The following GPLD1 variants were observed in gnomAD, a reference collection of about 807,000 sequenced individuals.
GPLD1 encodes the protein glycosylphosphatidylinositol specific phospholipase D1, also known as phosphatidylinositol-glycan-specific phospholipase D.
GPLD1 carries 84 observed loss-of-function variants against 112.6 expected under a neutral mutation model. The observed-to-expected ratio is 0.75, with a 90% confidence interval of 0.63 to 0.89. GPLD1 has a LOEUF of 0.89. Among genes scored for constraint, GPLD1 ranks in the 40% least tolerant of loss-of-function variants. The pLI is 0.00. For synonymous variants in GPLD1, 386 were observed against 403.8 expected (o/e 0.96, Z 0.53); for missense variants, 1,044 against 1,051.5 (o/e 0.99, Z 0.10).
chr6:24,454,787 G>T (rs546224210), intron 13 of GPLD1, among the ~76,000 whole-genome samples: 9 of 152,332 alleles, frequency 5.9e-5, no homozygotes, highest in African/African-American at 1.9e-4. Context: ...ACAGGGGCTG[G>T]AAAGACCAAA....
At chr6:24,484,172 C>CCCAAAGTG (rs1288170257) in intron 2 of GPLD1, among the ~76,000 whole-genome samples, 1 of 152,100 alleles carries the variant, frequency 6.6e-6, no homozygotes, top group Non-Finnish European at 1.5e-5. Flanking sequence ...GCCTTGGCCT[C>CCCAAAGTG]CCAAAGTGCT....
At chr6:24,474,388 T>G (rs1347250298) in intron 5 of GPLD1, among the ~76,000 whole-genome samples, 1 of 152,084 alleles carries the variant, frequency 6.6e-6, no homozygotes, top group Non-Finnish European at 1.5e-5. Context: ...AGATCACAAT[T>G]TTCAGTTTGA....
Position 24,445,785 on chromosome 6 carries a change from T to TC in GPLD1, c.1866dup (p.Arg623GlufsTer53), listed in dbSNP as rs769825494. 1.2e-6 allele frequency: 2 copies of TC among 1,613,650 alleles called. No individual in the cohort carries two copies. The highest frequency in any genetic ancestry group is 1.7e-6 in the Non-Finnish European group (2 of 1,179,864). On this transcript the variant is annotated frameshift_variant, in exon 19 of 25. Transcript: ENST00000230036. LOFTEE classifies it high-confidence loss of function. Reference sequence around the variant, plus strand: ...TTTGGTGGGAAGTAGCCATACACCCTCCCAAGGCTCTTTTTCTCATCTCGG... The same window carrying TC: ...TTTGGTGGGAAGTAGCCATACACCCTCCCCAAGGCTCTTTTTCTCATCTCGG...
At chr6:24,468,057 C>T (rs562350270) in intron 7 of GPLD1, among the ~76,000 whole-genome samples, 3 of 152,236 alleles carry the variant, frequency 2.0e-5, no homozygotes, top group South Asian at 4.1e-4. Flanking sequence ...CAGGCGTGTG[C>T]CACCACGCCC....
chr6:24,484,205 G>A lies in GPLD1; in HGVS notation c.153+1870C>T, dbSNP rs147274398. ...GCTGGGATTACTGACGTGAGCCACC[G>A]TGCCTGGCCCACCATTTGTTTTTTG... On this transcript the variant is annotated intron_variant, in intron 2 of 24. Transcript: ENST00000230036. Among the ~76,000 whole-genome samples, 838 of 150,338 alleles carry A rather than the reference G, an allele frequency of 5.6e-3. 5 individuals carry two copies. Among genetic ancestry groups the A allele is most frequent in the South Asian group, 0.03 (141 of 4,712 alleles).
intron 22 of GPLD1, chr6:24,435,827 A>AAAAAAAAAAAAAAAAAAAAC (rs1762558440): frequency 7.1e-6 from 1 of 140,858 alleles, no homozygotes; most frequent in South Asian, 2.2e-4. Context: ...GCTGTCTCAA[A>AAAAAAAAAAAAAAAAAAAAC]AAAAAAAAAA....
At position 24,471,319 on chromosome 6, in the gene GPLD1, A is replaced by G. The variant is rs539546182; in HGVS notation, c.545+1263T>C. On this transcript the variant is annotated intron_variant, in intron 7 of 24. Transcript: ENST00000230036. ...AGACCAGCCTGGGCAACATGGCAAGACCTCATCTCTTACAAAACATTAAAA... is the reference window on the plus strand; with the variant it reads ...AGACCAGCCTGGGCAACATGGCAAGGCCTCATCTCTTACAAAACATTAAAA... Among the ~76,000 whole-genome samples the G allele has an allele frequency of 7.2e-5, 11 of 152,226 alleles. No homozygotes were observed. In the South Asian group the frequency reaches 2.1e-3, roughly 29 times the overall value.
intron 20 of GPLD1, among the ~76,000 whole-genome samples, chr6:24,439,264 T>G (rs1762673456): frequency 6.6e-6 from 1 of 152,330 alleles, no homozygotes; most frequent in East Asian, 1.9e-4. Flanking sequence ...CCAGTGCATG[T>G]GGGAGAATCT....
chr6:24,489,815 ATTTCAT>A (rs1340617845), upstream of GPLD1, among the ~76,000 whole-genome samples: 1 of 152,098 alleles, frequency 6.6e-6, no homozygotes, highest in African/African-American at 2.4e-5. Flanking sequence ...TTTTTTCTGG[ATTTCAT>A]TTTAACATGA....
At position 24,472,948 on chromosome 6, in the gene GPLD1, G is replaced by A. The variant is rs997688533; in HGVS notation, c.491-312C>T. ...GCGCCACCACGCCCAGCTAATTTTT[G>A]TATTTTTAGTAGAGGTGGGGTTTCA... On this transcript the variant is annotated intron_variant, in intron 6 of 24. Transcript: ENST00000230036. 4.4e-5 allele frequency: 10 copies of A among 225,176 alleles called. No homozygotes were observed. The Admixed American group carries it at 5.7e-4, about 13-fold the overall frequency. 13.9% of individuals were successfully genotyped at this position (225,176 alleles called of 1,614,324 possible).
chr6:24,458,424 A>C (rs1016124705), intron 12 of GPLD1, among the ~76,000 whole-genome samples: 1 of 152,224 alleles, frequency 6.6e-6, no homozygotes, highest in Non-Finnish European at 1.5e-5. Context: ...CTGGGAACAT[A>C]AAGTCCCTCC....
chr6:24,464,839 T>C (rs1028734533), intron 10 of GPLD1, among the ~76,000 whole-genome samples: 3 of 152,072 alleles, frequency 2.0e-5, no homozygotes, highest in Non-Finnish European at 2.9e-5. Context: ...CACACCCACA[T>C]CTCAACCCGG....
At chr6:24,484,710 T>A (rs973541380) in intron 2 of GPLD1, among the ~76,000 whole-genome samples, 1 of 152,260 alleles carries the variant, frequency 6.6e-6, no homozygotes, top group Non-Finnish European at 1.5e-5. Flanking sequence ...TTTCCACTCC[T>A]CTTTCCTGCC....
At chr6:24,465,156 C>T (rs1763558298) in intron 10 of GPLD1, among the ~76,000 whole-genome samples, 2 of 143,008 alleles carry the variant, frequency 1.4e-5, no homozygotes, top group Admixed American at 7.2e-5. Flanking sequence ...GAGATCGCAC[C>T]ACTGCACTCT....
downstream of GPLD1, chr6:24,425,704 G>A (rs926493796): frequency 5.9e-5 from 9 of 152,310 alleles, no homozygotes; most frequent in South Asian, 1.7e-3. Flanking sequence ...CATATCGCCT[G>A]TCAAACACAT....
At chr6:24,425,718 G>A (rs998490935), downstream of GPLD1, 1 of 152,222 alleles carries the variant, frequency 6.6e-6, no homozygotes, top group Non-Finnish European at 1.5e-5. Flanking sequence ...AACACATCAA[G>A]TGTCGAACAC....
intron 10 of GPLD1, among the ~76,000 whole-genome samples, chr6:24,465,204 AAAAAAAAAAGAAAAG>A (rs977913727): frequency 3.6e-5 from 5 of 139,258 alleles, no homozygotes; most frequent in African/African-American, 1.6e-4. Flanking sequence ...CTCAAAAAAA[AAAAAAAAAAGAAAAG>A]AAAAGAAAAG....
chr6:24,483,500 G>A lies in GPLD1; in HGVS notation c.153+2575C>T, dbSNP rs149067128. Among the ~76,000 whole-genome samples the A allele has an allele frequency of 5.5e-3, 829 of 151,522 alleles. 7 individuals are homozygous for A. The highest frequency in any genetic ancestry group is 0.029 in the South Asian group (140 of 4,784). ...TTGAGACCAGCCTGGGAAACATGGT[G>A]AAACTGCGACTCTACTGAAAATATA... On this transcript the variant is annotated intron_variant, in intron 2 of 24. Coordinates refer to ENST00000230036, the MANE Select transcript of GPLD1 (RefSeq NM_001503.4).
upstream of GPLD1, chr6:24,489,676 A>C (rs529990488): frequency 3.3e-5 from 38 of 1,156,548 alleles, no homozygotes; most frequent in East Asian, 7.8e-4. Context: ...CAATGAAGTC[A>C]ACTGTCCAAC....
Sources: allele counts gnomAD v4.1 joint callset (sites outside exome capture counted in the v4.1 genomes callset), GRCh38; gene constraint gnomAD v4.1.1; transcripts MANE v1.5; gene names NCBI Gene and HGNC (gene_info 2026-07-23, HGNC 2026-07-21).